Variants in GPHN observed in about 807,000 individuals in gnomAD.
GPHN encodes the protein gephyrin.
In GPHN, 17 loss-of-function variants were observed where a neutral mutation model predicts 95.5. The observed-to-expected ratio is 0.18, with a 90% CI of 0.12 to 0.27. The LOEUF (loss-of-function observed/expected upper bound fraction) is 0.27, where lower values mean the gene tolerates loss of function less well. Among genes scored for constraint, GPHN ranks in the 10% least tolerant of loss-of-function variants. GPHN has a pLI of 1.00. For synonymous variants in GPHN, 320 were observed against 322.5 expected (o/e 0.99, Z 0.08); for missense variants, 660 against 978.1 (o/e 0.67, Z 4.34).
At chr14:66,997,667 A>AC (rs1216069493) in intron 9 of GPHN, among the ~76,000 whole-genome samples, 2 of 152,176 alleles carry the variant, frequency 1.3e-5, no homozygotes, top group Admixed American at 1.3e-4. Context: ...AGCATGACAA[A>AC]CCCATAGCCT....
chr14:67,110,859 T>A (rs2078325765), intron 14 of GPHN, among the ~76,000 whole-genome samples: 1 of 152,190 alleles, frequency 6.6e-6, no homozygotes, highest in African/African-American at 2.4e-5. Flanking sequence ...ATGTCAGTTC[T>A]CCCTCCATTG....
the GPHN span, among the ~76,000 whole-genome samples, chr14:67,527,167 G>T: frequency 6.6e-6 from 1 of 152,232 alleles, no homozygotes; most frequent in Admixed American, 6.5e-5. Flanking sequence ...GGCAAGACCT[G>T]AGTGGCTAAA....
the GPHN span, among the ~76,000 whole-genome samples, chr14:67,358,770 T>A: frequency 6.6e-6 from 1 of 152,204 alleles, no homozygotes; most frequent in Admixed American, 6.5e-5. Context: ...TAGGCACATT[T>A]GAGAAAACGT....
intron 4 of GPHN, among the ~76,000 whole-genome samples, chr14:66,872,126 A>G (rs1192249563): frequency 6.6e-6 from 1 of 152,176 alleles, no homozygotes; most frequent in Non-Finnish European, 1.5e-5. Flanking sequence ...GGATTAACTA[A>G]TTTATATGCG....
At chr14:66,791,242 C>G (rs2059960292) in intron 3 of GPHN, among the ~76,000 whole-genome samples, 1 of 152,174 alleles carries the variant, frequency 6.6e-6, no homozygotes. Flanking sequence ...CAGTCTATTT[C>G]CTTTGGGTTG....
intron 1 of GPHN, among the ~76,000 whole-genome samples, chr14:66,616,105 G>C (rs991688073): frequency 6.6e-6 from 1 of 151,492 alleles, no homozygotes; most frequent in African/African-American, 2.4e-5. Flanking sequence ...ATGCTGTTTT[G>C]ATTACTGTAG....
the GPHN span, among the ~76,000 whole-genome samples, chr14:67,600,833 C>T: frequency 6.6e-6 from 1 of 152,214 alleles, no homozygotes; most frequent in Non-Finnish European, 1.5e-5. Flanking sequence ...CCCGCCTCGG[C>T]CTCCCGAAGT....
chr14:67,598,254 A>T, the GPHN span, among the ~76,000 whole-genome samples: 3 of 152,218 alleles, frequency 2.0e-5, no homozygotes, highest in Non-Finnish European at 4.4e-5. Context: ...TTAAAGGAAG[A>T]TGCGGTCACT....
At chr14:66,936,047 T>A (rs1350262944) in intron 8 of GPHN, among the ~76,000 whole-genome samples, 1 of 152,108 alleles carries the variant, frequency 6.6e-6, no homozygotes, top group East Asian at 1.9e-4. Context: ...AGAAGACATT[T>A]TGGGAGGTGA....
chr14:66,821,849 A>G (rs2061205724), intron 3 of GPHN, among the ~76,000 whole-genome samples: 1 of 152,230 alleles, frequency 6.6e-6, no homozygotes, highest in Admixed American at 6.5e-5. Flanking sequence ...TCTCAAGATA[A>G]CAAATGTTAT....
At chr14:67,201,569 G>C in the GPHN span, 10 of 454,908 alleles carry the variant, frequency 2.2e-5, no homozygotes, top group Non-Finnish European at 3.5e-5. Context: ...CCTCCTGTAT[G>C]TCTTGCTGGT....
chr14:67,314,993 A>AG, the GPHN span, among the ~76,000 whole-genome samples: 1 of 152,170 alleles, frequency 6.6e-6, no homozygotes, highest in Non-Finnish European at 1.5e-5. Context: ...CTGTAGTCCC[A>AG]GCTATTCAGG....
chr14:66,794,946 C>T (rs2060103526), intron 3 of GPHN, among the ~76,000 whole-genome samples: 1 of 151,684 alleles, frequency 6.6e-6, no homozygotes, highest in Non-Finnish European at 1.5e-5. Context: ...CAGTTAACTT[C>T]TACTTCATGT....
intron 9 of GPHN, among the ~76,000 whole-genome samples, chr14:67,005,268 T>C (rs914109554): frequency 6.6e-6 from 1 of 151,842 alleles, no homozygotes; most frequent in African/African-American, 2.4e-5. Flanking sequence ...ATCCACAATA[T>C]TTACAGTCGT....
chr14:66,985,844 C>T, intron 9 of GPHN: 1 of 593,392 alleles, frequency 1.7e-6, no homozygotes. Context: ...TTTTCACCAT[C>T]CCATTTTTTT....
intron 1 of GPHN, among the ~76,000 whole-genome samples, chr14:66,560,604 T>G (rs2060192917): frequency 6.6e-6 from 1 of 152,224 alleles, no homozygotes; most frequent in South Asian, 2.1e-4. Flanking sequence ...GTCCTGAGAC[T>G]TTGCTGAAGT....
chr14:67,600,981 T>C, the GPHN span, among the ~76,000 whole-genome samples: 5 of 152,356 alleles, frequency 3.3e-5, no homozygotes, highest in African/African-American at 1.2e-4. Context: ...CTTACTCTTT[T>C]CCTGTGCCGG....
chr14:66,546,076 T>C (rs2059582499), intron 1 of GPHN, among the ~76,000 whole-genome samples: 1 of 147,178 alleles, frequency 6.8e-6, no homozygotes, highest in East Asian at 2.1e-4. Flanking sequence ...GTAGAGGTGC[T>C]CCTCACATCC....
chr14:67,594,709 A>G, the GPHN span, among the ~76,000 whole-genome samples: 52 of 152,218 alleles, frequency 3.4e-4, 1 homozygote, highest in African/African-American at 1.1e-3. Context: ...TACAGGAGGG[A>G]GTTATGTCCT....
Sources: allele counts gnomAD v4.1 joint callset (sites outside exome capture counted in the v4.1 genomes callset), GRCh38; gene constraint gnomAD v4.1.1; transcripts MANE v1.5; gene names NCBI Gene and HGNC (gene_info 2026-07-23, HGNC 2026-07-21).